The following EIF2A variants were observed in gnomAD, a reference collection of about 807,000 sequenced individuals.
EIF2A encodes the protein 65 kDa eukaryotic translation initiation factor 2A.
In EIF2A, 62 loss-of-function variants were observed where a neutral mutation model predicts 75.2. That is an observed-to-expected ratio of 0.82 (90% CI 0.67 to 1.02). The LOEUF (loss-of-function observed/expected upper bound fraction) is 1.02. EIF2A is among the 50% of genes least tolerant of loss of function. EIF2A has a pLI of 0.00. For synonymous variants in EIF2A, 207 were observed against 239.0 expected (o/e 0.87, Z 1.23); for missense variants, 611 against 677.7 (o/e 0.90, Z 1.09).
At position 150,575,728 on chromosome 3, in the gene EIF2A, A is replaced by C; in HGVS notation, c.1463A>C (p.Gln488Pro). The part of the protein sequence containing the change: ...KPLSKTALKN[Q>P]RKHEAKKAAK... ...TTATCAAAAACAGCTCTTAAAAATC[A>C]AAGGAAGCATGAAGCTAAGAAAGCT... The change falls in exon 11 of 14, where the codon CAA (glutamine) becomes CCA (proline). Residue 488 changes from glutamine (Q) to proline (P), a missense_variant. Physicochemically the swap from Gln to Pro is moderately conservative, Grantham distance 76 (BLOSUM62 -1). Transcript: ENST00000460851. The C allele has an allele frequency of 6.2e-7, 1 of 1,612,906 alleles. No individual in the cohort carries two copies. Among genetic ancestry groups the C allele is most frequent in the Non-Finnish European group, 8.5e-7 (1 of 1,179,424 alleles).
rs757083026 is a variant in EIF2A at position 150,571,982 on chromosome 3, T to C, written c.836T>C (p.Val279Ala). The part of the protein sequence containing the change: ...QLPKNGPIYD[V>A]VWNSSSTEFC... ...GCAAAAAATGGCCCCATTTATGATG[T>C]AGTTTGGAATTCTAGTTCTACTGAG... Residue 279 changes from valine to alanine, a missense_variant, in exon 10 of 14, where the codon GTA becomes GCA. Coordinates refer to ENST00000460851, the MANE Select transcript of EIF2A (RefSeq NM_032025.5). 1 of 1,609,584 alleles carries C rather than the reference T, an allele frequency of 6.2e-7. No homozygotes were observed. The highest frequency in any genetic ancestry group is 1.7e-5 in the Admixed American group (1 of 59,404).
At chr3:150,572,905 A>T (rs1724626746) in intron 10 of EIF2A, among the ~76,000 whole-genome samples, 1 of 151,806 alleles carries the variant, frequency 6.6e-6, no homozygotes, top group Non-Finnish European at 1.5e-5. Context: ...AAAACGTATG[A>T]CTGGTCTGAA....
At chr3:150,576,764 A>G (rs924397929) in intron 11 of EIF2A, among the ~76,000 whole-genome samples, 2 of 152,242 alleles carry the variant, frequency 1.3e-5, no homozygotes, top group Non-Finnish European at 2.9e-5. Flanking sequence ...ATAGTACTAT[A>G]TGAAATTATT....
chr3:150,559,845 C>A (rs1226625572), intron 3 of EIF2A, among the ~76,000 whole-genome samples: 1 of 152,078 alleles, frequency 6.6e-6, no homozygotes, highest in East Asian at 1.9e-4. Context: ...TGAGTCTTAT[C>A]TACAATGTTA....
intron 6 of EIF2A, 80 bp downstream of exon 6, chr3:150,564,461 G>C: frequency 9.0e-7 from 1 of 1,113,116 alleles, no homozygotes; most frequent in Admixed American, 3.2e-5. Context: ...ACATCATAGG[G>C]TTTTCCTAAA....
intron 2 of EIF2A, among the ~76,000 whole-genome samples, chr3:150,558,177 C>A (rs1723664732): frequency 6.6e-6 from 1 of 152,176 alleles, no homozygotes; most frequent in South Asian, 2.1e-4. Flanking sequence ...TAAAATCCAT[C>A]TGTTAGTATG....
chr3:150,556,201 G>A (rs1342162375), intron 2 of EIF2A, among the ~76,000 whole-genome samples: 4 of 152,126 alleles, frequency 2.6e-5, no homozygotes, highest in Non-Finnish European at 5.9e-5. Flanking sequence ...ATACAAGGAG[G>A]CACATGACTG....
chr3:150,571,119 C>T (rs1724489896), intron 9 of EIF2A, among the ~76,000 whole-genome samples: 1 of 151,828 alleles, frequency 6.6e-6, no homozygotes, highest in African/African-American at 2.4e-5. Context: ...CAGAGGGTTG[C>T]CTTTGTGTAA....
intron 10 of EIF2A, among the ~76,000 whole-genome samples, chr3:150,573,408 C>T (rs1048039374): frequency 6.6e-6 from 1 of 152,270 alleles, no homozygotes; most frequent in East Asian, 1.9e-4. Flanking sequence ...CCTGCCACCA[C>T]GTCCAGCTAA....
Position 150,572,017 on chromosome 3 carries a change from G to A in EIF2A, c.871G>A (p.Val291Ile). 2 of 1,613,938 alleles carry A rather than the reference G, an allele frequency of 1.2e-6. No homozygotes were observed. The highest frequency in any genetic ancestry group is 1.7e-6 in the Non-Finnish European group (2 of 1,179,882). ...WNSSSTEFCA[V>I]YGFMPAKATI... The stretch of plus-strand genomic sequence containing the variant: ...TTCTAGTTCTACTGAGTTTTGTGCT[G>A]TATATGGTTTTATGCCTGCCAAAGC... Residue 291 changes from valine (V) to isoleucine (I), a missense_variant, in exon 10 of 14, where the codon GTA becomes ATA. Transcript: ENST00000460851.
rs575156469 is a variant in EIF2A at position 150,555,199 on chromosome 3, G to A, written c.98+2774G>A. 2.6e-3 allele frequency among the ~76,000 whole-genome samples: 396 copies of A among 152,220 alleles called. 3 individuals are homozygous for A. The highest frequency in any genetic ancestry group is 9.2e-4 in the Admixed American group (14 of 15,288). ...CCGCCTTGGCCTCCCAAAGTGCTGGGATTACAGGCCTCAGCCACCATGCCT... is the reference window on the plus strand; with the variant it reads ...CCGCCTTGGCCTCCCAAAGTGCTGGAATTACAGGCCTCAGCCACCATGCCT... On this transcript the variant is annotated intron_variant, in intron 2 of 13. Coordinates refer to ENST00000460851, the MANE Select transcript of EIF2A (RefSeq NM_032025.5).
chr3:150,567,614 C>G, intron 6 of EIF2A, 79 bp from the exon 7 acceptor site: 1 of 988,020 alleles, frequency 1.0e-6, no homozygotes, highest in Non-Finnish European at 1.5e-6. Context: ...TTATAGTGAT[C>G]TTTGATAATG....
chr3:150,576,471 G>A (rs373854255), intron 11 of EIF2A, among the ~76,000 whole-genome samples: 11 of 152,088 alleles, frequency 7.2e-5, no homozygotes, highest in East Asian at 3.8e-4. Context: ...TGGCTCTTAC[G>A]TTATAAAATG....
At position 150,574,780 on chromosome 3, in the gene EIF2A, G is replaced by A. The variant is rs998082372; in HGVS notation, c.1384-869G>A. ...TCCATATAGAACTTATAAGTAAAAT[G>A]CGGATCTGAGACCTAGTACTCAAGA... On this transcript the variant is annotated intron_variant, in intron 10 of 13. Transcript: ENST00000460851. 8.5e-5 allele frequency among the ~76,000 whole-genome samples: 13 copies of A among 152,332 alleles called. No individual in the cohort carries two copies. In the East Asian group the frequency reaches 1.9e-3, roughly 23 times the overall value.
At chr3:150,574,766 C>CGAA (rs1724758676) in intron 10 of EIF2A, among the ~76,000 whole-genome samples, 2 of 152,192 alleles carry the variant, frequency 1.3e-5, no homozygotes, top group Non-Finnish European at 2.9e-5. Context: ...CCATATAGAA[C>CGAA]TTATAAGTAA....
At position 150,584,542 on chromosome 3, in the gene EIF2A, T is replaced by C. The variant is rs1408236537; in HGVS notation, c.*631T>C. Among the ~76,000 whole-genome samples, 1 of 152,196 alleles carries C rather than the reference T, an allele frequency of 6.6e-6. No individual in the cohort carries two copies. Among genetic ancestry groups the C allele is most frequent in the Non-Finnish European group, 1.5e-5 (1 of 68,026 alleles). On this transcript the variant is annotated 3_prime_UTR_variant, in exon 14 of 14. Coordinates refer to ENST00000460851, the MANE Select transcript of EIF2A (RefSeq NM_032025.5). ...CTTAGTTTTCATGGATACTGCCAAA[T>C]TGCCCTATCTCAAGCTTTATACTTG... is the stretch of plus-strand genomic sequence containing the variant.
intron 6 of EIF2A, chr3:150,567,430 C>G (rs1724247681): frequency 3.1e-6 from 1 of 321,386 alleles, no homozygotes; most frequent in Admixed American, 4.8e-5. Context: ...TCTCTTAAAA[C>G]CAATTACTGA....
At chr3:150,567,819 G>GT (rs1724270396) in intron 7 of EIF2A, 53 bp downstream of exon 7, 7 of 1,567,708 alleles carry the variant, frequency 4.5e-6, no homozygotes, top group Admixed American at 2.1e-5. Context: ...CCTTTTCCTA[G>GT]TTTTTTGTGA....
chr3:150,553,097 C>T (rs1348192590), intron 2 of EIF2A, among the ~76,000 whole-genome samples: 1 of 152,148 alleles, frequency 6.6e-6, no homozygotes, highest in East Asian at 1.9e-4. Flanking sequence ...CAGGCCAGAT[C>T]ACCTGAGGTC....
Sources: gnomAD v4.1 joint callset for allele counts (sites outside exome capture counted in the v4.1 genomes callset) on GRCh38, gnomAD v4.1.1 for gene constraint, MANE v1.5 for transcripts, NCBI Gene and HGNC (gene_info 2026-07-23, HGNC 2026-07-21) for gene names.